Variants in GNB1 observed in about 807,000 individuals in gnomAD.
GNB1 encodes the protein G protein subunit beta 1.
GNB1 carries 2 observed loss-of-function variants against 42.9 expected under a neutral mutation model. The observed-to-expected ratio is 0.05, with a 90% confidence interval of 0.02 to 0.15. The LOEUF is 0.15. Among genes scored for constraint, GNB1 ranks in the 10% least tolerant of loss-of-function variants. GNB1 has a pLI of 1.00. For synonymous variants in GNB1, 183 were observed against 174.7 expected (o/e 1.05, Z -0.38); for missense variants, 193 against 462.2 (o/e 0.42, Z 5.34).
chr1:1,804,351 C>A (rs2100697182), intron 7 of GNB1, 68 bp downstream of exon 7: 1 of 1,013,182 alleles, frequency 9.9e-7, no homozygotes, highest in East Asian at 2.4e-5. Flanking sequence ...AAGTGAGTAT[C>A]CAAAGCATAT....
At chr1:1,867,964 TA>T (rs942090762) in intron 1 of GNB1, among the ~76,000 whole-genome samples, 10 of 152,280 alleles carry the variant, frequency 6.6e-5, no homozygotes, top group African/African-American at 2.4e-4. Context: ...ATAATACTTA[TA>T]AAAAATCTAC....
chr1:1,840,517 G>C (rs1647215761), intron 1 of GNB1, among the ~76,000 whole-genome samples: 1 of 152,260 alleles, frequency 6.6e-6, no homozygotes, highest in African/African-American at 2.4e-5. Flanking sequence ...GACAGTGCGA[G>C]ACTCTGTCTC....
chr1:1,793,428 C>A (rs913498003), intron 7 of GNB1, 117 bp from the exon 8 acceptor site: 10 of 641,194 alleles, frequency 1.6e-5, no homozygotes, highest in Non-Finnish European at 2.6e-5. Flanking sequence ...AGACCAGCAC[C>A]ATGCTAGTGA....
rs752020814 is a variant in GNB1 at position 1,850,132 on chromosome 1, AT to A, written c.-95-10895del. Among the ~76,000 whole-genome samples the A allele has an allele frequency of 5.2e-3, 746 of 143,140 alleles. 4 individuals carry two copies. Among genetic ancestry groups the A allele is most frequent in the South Asian group, 0.02 (90 of 4,478 alleles). 93.9% of individuals were successfully genotyped at this position (143,140 alleles called of 152,430 possible). On this transcript the variant is annotated intron_variant, in intron 1 of 11. Coordinates refer to ENST00000378609, the MANE Select transcript of GNB1 (RefSeq NM_002074.5). ...AGGTGCCCGCCACCACACCCAGCTA[AT>A]TTTTTTTTTTTTTCCAGATGGAGTT... is the stretch of plus-strand genomic sequence containing the variant.
intron 2 of GNB1, among the ~76,000 whole-genome samples, chr1:1,826,238 G>A (rs917418938): frequency 6.6e-6 from 1 of 151,930 alleles, no homozygotes; most frequent in Admixed American, 6.6e-5. Flanking sequence ...CTAACATGGT[G>A]AAACCCGATC....
At chr1:1,834,174 A>G (rs907240620) in intron 2 of GNB1, among the ~76,000 whole-genome samples, 1 of 152,042 alleles carries the variant, frequency 6.6e-6, no homozygotes, top group Admixed American at 6.6e-5. Context: ...AAGGGCAGGA[A>G]CTATGGTGTG....
chr1:1,812,466 G>GCAT (rs1168812382), intron 5 of GNB1, among the ~76,000 whole-genome samples: 1 of 151,422 alleles, frequency 6.6e-6, no homozygotes, highest in African/African-American at 2.4e-5. Flanking sequence ...CCTTAAAGAG[G>GCAT]CAAACACTGG....
At position 1,804,286 on chromosome 1, in the gene GNB1, G is replaced by A. The variant is rs566375526; in HGVS notation, c.430+133C>T. 5.3e-4 allele frequency: 334 copies of A among 629,814 alleles called. No individual in the cohort carries two copies. The African/African-American group carries it at 5.3e-3, about 10-fold the overall frequency. The allele number at this position is 629,814 out of a possible 1,614,324, so 39.0% of individuals were successfully genotyped here. A position where few individuals can be genotyped will look rare whatever the true frequency, so the allele number is the denominator to read the frequency against. ...CGCACTCCAGCCTGGGTGACAGAGC[G>A]AGACTCCGCCTCAAAAAAAATAATT... On this transcript the variant is annotated intron_variant, in intron 7 of 11. Coordinates refer to ENST00000378609, the MANE Select transcript of GNB1 (RefSeq NM_002074.5).
intron 1 of GNB1, among the ~76,000 whole-genome samples, chr1:1,871,296 T>G (rs1393600954): frequency 6.6e-6 from 1 of 151,790 alleles, no homozygotes; most frequent in Admixed American, 6.6e-5. Context: ...CCCGTCTCTA[T>G]TAAAAATACA....
chr1:1,809,862 A>C (rs897675396), intron 5 of GNB1, among the ~76,000 whole-genome samples: 1 of 152,146 alleles, frequency 6.6e-6, no homozygotes, highest in African/African-American at 2.4e-5. Flanking sequence ...ACATAGAGGC[A>C]AGGGCCAGGA....
intron 5 of GNB1, among the ~76,000 whole-genome samples, chr1:1,808,966 C>T (rs1235531919): frequency 6.6e-6 from 1 of 152,174 alleles, no homozygotes; most frequent in Non-Finnish European, 1.5e-5. Context: ...ACTATTTCAG[C>T]TGTGAACATA....
At position 1,786,107 on chromosome 1, in the gene GNB1, C is replaced by T; in HGVS notation, c.*956G>A. 1 of 398,536 alleles carries T rather than the reference C, an allele frequency of 2.5e-6. No homozygotes were observed. Among genetic ancestry groups the T allele is most frequent in the Non-Finnish European group, 4.4e-6 (1 of 226,030 alleles). 24.7% of individuals were successfully genotyped at this position (398,536 alleles called of 1,614,324 possible). ...AAGTCTGAGATCATTATTTTCAAAA[C>T]ATTGATTTGTACATTGTTTCATACA... is the stretch of plus-strand genomic sequence containing the variant. On this transcript the variant is annotated 3_prime_UTR_variant, in exon 12 of 12. Transcript: ENST00000378609.
At chr1:1,860,224 C>T (rs1452901947) in intron 1 of GNB1, among the ~76,000 whole-genome samples, 2 of 152,064 alleles carry the variant, frequency 1.3e-5, no homozygotes, top group Non-Finnish European at 2.9e-5. Context: ...GGGAGCTAAA[C>T]ATCAGGGACT....
intron 1 of GNB1, among the ~76,000 whole-genome samples, chr1:1,888,708 G>A (rs893404813): frequency 3.3e-5 from 5 of 152,072 alleles, no homozygotes; most frequent in South Asian, 2.1e-4. Flanking sequence ...GTGTGGTGGT[G>A]GTAGCTGTAA....
intron 1 of GNB1, among the ~76,000 whole-genome samples, chr1:1,859,565 G>A (rs1231961876): frequency 6.6e-6 from 1 of 152,134 alleles, no homozygotes; most frequent in Non-Finnish European, 1.5e-5. Context: ...AAGGTGCCAT[G>A]AATCTGCCCT....
chr1:1,837,467 G>C (rs1647168225), intron 2 of GNB1, among the ~76,000 whole-genome samples: 1 of 151,670 alleles, frequency 6.6e-6, no homozygotes, highest in Admixed American at 6.6e-5. Flanking sequence ...TGTTAGCCAG[G>C]ATGGTCTCGA....
intron 1 of GNB1, among the ~76,000 whole-genome samples, chr1:1,890,199 G>C (rs540168696): frequency 1.8e-4 from 27 of 152,230 alleles, no homozygotes; most frequent in Non-Finnish European, 2.9e-5. Context: ...TCAGCGGCTC[G>C]ACACAGCGAA....
In GNB1 at chr1:1,798,537, T is replaced by C. The variant is rs549962978; in HGVS notation, c.431-5226A>G. On this transcript the variant is annotated intron_variant, in intron 7 of 11. Transcript: ENST00000378609. ...AGGCTGGACTTCTGATCAATGCTTA[T>C]GTATCTGTAGCCATCTTGATCAGAA... 4.6e-5 allele frequency among the ~76,000 whole-genome samples: 7 copies of C among 152,320 alleles called. No individual in the cohort carries two copies. In the East Asian group the frequency reaches 5.8e-4, roughly 13 times the overall value.
At position 1,797,575 on chromosome 1, in the gene GNB1, C is replaced by T. The variant is rs150517225; in HGVS notation, c.431-4264G>A. ...GCTTCAGCCTCCCAAGTAGCTGGGACTACAGGCACCTGCCACCACATCCAG... is the reference window on the plus strand; with the variant it reads ...GCTTCAGCCTCCCAAGTAGCTGGGATTACAGGCACCTGCCACCACATCCAG... On this transcript the variant is annotated intron_variant, in intron 7 of 11. Coordinates refer to ENST00000378609, the MANE Select transcript of GNB1 (RefSeq NM_002074.5). Among the ~76,000 whole-genome samples the T allele has an allele frequency of 9.1e-3, 1,385 of 152,206 alleles. 25 individuals are homozygous for T. The highest frequency in any genetic ancestry group is 0.031 in the African/African-American group (1,282 of 41,532).
Sources: gnomAD v4.1 joint callset for allele counts (sites outside exome capture counted in the v4.1 genomes callset) on GRCh38, gnomAD v4.1.1 for gene constraint, MANE v1.5 for transcripts, NCBI Gene and HGNC (gene_info 2026-07-23, HGNC 2026-07-21) for gene names.